Variants in ZFHX4 observed in about 807,000 individuals in gnomAD.
ZFHX4 encodes zinc finger homeobox 4, also known as zinc finger homeobox protein 4.
In ZFHX4, 56 loss-of-function variants were observed where a neutral mutation model predicts 267.6. That is an observed-to-expected ratio of 0.21 (90% CI 0.17 to 0.26). The LOEUF is 0.26. Ranked by LOEUF, ZFHX4 falls within the 10% of genes least tolerant of loss-of-function variation. ZFHX4 has a pLI of 1.00. For synonymous variants in ZFHX4, 1,778 were observed against 1,665.6 expected (o/e 1.07, Z -1.64); for missense variants, 4,332 against 4,420.0 (o/e 0.98, Z 0.56).
At chr8:76,765,213 A>G (rs114222474) in intron 3 of ZFHX4, among the ~76,000 whole-genome samples, 2,111 of 152,256 alleles carry the variant, frequency 0.014, 55 homozygotes, top group African/African-American at 0.047. Flanking sequence ...TGCTTAATAG[A>G]CCATAAAAAT....
chr8:76,792,856 A>G (rs186334150), intron 4 of ZFHX4, among the ~76,000 whole-genome samples: 303 of 152,256 alleles, frequency 2.0e-3, no homozygotes, highest in African/African-American at 7.0e-3. Flanking sequence ...CTTTAAATAT[A>G]CGATGAATCT....
chr8:76,863,704 G>A lies in ZFHX4; in HGVS notation c.9990G>A (p.Leu3330=), dbSNP rs1326220502. 1.9e-6 allele frequency: 3 copies of A among 1,568,892 alleles called. No individual in the cohort carries two copies. The highest frequency in any genetic ancestry group is 1.2e-5 in the South Asian group (1 of 86,764). The stretch of plus-strand genomic sequence containing the variant: ...ATCAGCAGAACCTGCAGGAGTCCCT[G>A]CAAAAGCAGCAAAAGCAACAGCAAG... The part of the protein sequence containing the change: ...QQYQQNLQES[L]QKQQKQQQEQ... Residue 3330 remains leucine, a synonymous_variant, in exon 11 of 11, where the codon CTG becomes CTA. Coordinates refer to ENST00000651372, the MANE Select transcript of ZFHX4 (RefSeq NM_024721.5).
Position 76,855,336 on chromosome 8 carries a change from G to C in ZFHX4, c.8415G>C (p.Ser2805=), listed in dbSNP as rs368980001. The change falls in exon 10 of 11, where the codon TCG becomes TCC. Residue 2805 remains serine (S), a synonymous_variant. Transcript: ENST00000651372. ...AAACCGATTTTGATGAGACTTCATCGATTAATACGGCAATCAGTGACGCCA... is the reference window on the plus strand; with the variant it reads ...AAACCGATTTTGATGAGACTTCATCCATTAATACGGCAATCAGTGACGCCA... The part of the protein sequence containing the change: ...QNKTDFDETS[S]INTAISDATT... 1.7e-5 allele frequency: 27 copies of C among 1,613,616 alleles called. No homozygotes were observed. The East Asian group carries it at 2.9e-4, about 17-fold the overall frequency.
At chr8:76,721,080 C>A (rs1362268885) in intron 3 of ZFHX4, among the ~76,000 whole-genome samples, 2 of 151,940 alleles carry the variant, frequency 1.3e-5, no homozygotes, top group Admixed American at 6.6e-5. Flanking sequence ...AATAGTTGGT[C>A]TTTGAGGGGG....
At chr8:76,693,298 A>C (rs1446137528) in intron 1 of ZFHX4, 1 of 152,222 alleles carries the variant, frequency 6.6e-6, no homozygotes, top group East Asian at 1.9e-4. Flanking sequence ...AAATCACCTT[A>C]AAAACAGCTG....
Position 76,820,520 on chromosome 8 carries a change from G to A in ZFHX4, c.3326-12818G>A, listed in dbSNP as rs76083004. On this transcript the variant is annotated intron_variant, in intron 4 of 10. Coordinates refer to ENST00000651372, the MANE Select transcript of ZFHX4 (RefSeq NM_024721.5). ...CATGCTTCATCTGATTAGTCATGCA[G>A]CAAATTTAATGGGTGTGTGGAAAAG... Among the ~76,000 whole-genome samples the A allele has an allele frequency of 4.1e-3, 627 of 152,250 alleles. 4 individuals are homozygous for A. The highest frequency in any genetic ancestry group is 0.014 in the African/African-American group (597 of 41,542).
At chr8:76,748,380 A>G (rs1809518459) in intron 3 of ZFHX4, among the ~76,000 whole-genome samples, 1 of 152,210 alleles carries the variant, frequency 6.6e-6, no homozygotes, top group South Asian at 2.1e-4. Flanking sequence ...ATAATTTTGT[A>G]TTTAATATCT....
At chr8:76,857,301 C>G (rs1465493462) in intron 10 of ZFHX4, among the ~76,000 whole-genome samples, 1 of 148,654 alleles carries the variant, frequency 6.7e-6, no homozygotes, top group African/African-American at 2.5e-5. Context: ...TGATTTTTTT[C>G]TTTTTAAAAG....
chr8:76,705,540 C>A lies in ZFHX4; in HGVS notation c.1452C>A (p.Asp484Glu), dbSNP rs763547315. ...ATGCGTACTCCAATGAACTTGATGA[C>A]GAGGAAGTATTAGGTGAACTCACCG... ...EEDAYSNELD[D>E]EEVLGELTDS... Residue 484 changes from aspartate (D) to glutamate (E), a missense_variant, in exon 2 of 11, where the codon GAC (aspartate) becomes GAA (glutamate). Asp to Glu is a conservative substitution (Grantham distance 45). Transcript: ENST00000651372. 52 of 1,613,338 alleles carry A rather than the reference C, an allele frequency of 3.2e-5. No individual in the cohort carries two copies. The highest frequency in any genetic ancestry group is 4.3e-5 in the Non-Finnish European group (51 of 1,179,660).
At chr8:76,848,017 A>G (rs1400261462) in intron 6 of ZFHX4, among the ~76,000 whole-genome samples, 1 of 152,148 alleles carries the variant, frequency 6.6e-6, no homozygotes, top group Non-Finnish European at 1.5e-5. Context: ...CCTGGAAATA[A>G]TTTAGTTGCA....
In ZFHX4 at chr8:76,842,575, T is replaced by G. The variant is rs1812262353; in HGVS notation, c.3395-80T>G. 8 of 986,628 alleles carry G rather than the reference T, an allele frequency of 8.1e-6. No homozygotes were observed. The South Asian group carries it at 1.3e-4, about 16-fold the overall frequency. 61.1% of individuals were successfully genotyped at this position (986,628 alleles called of 1,614,324 possible). On this transcript the variant is annotated intron_variant, in intron 5 of 10. Transcript: ENST00000651372. The stretch of plus-strand genomic sequence containing the variant: ...AGATGATTCATAAATAACAAAGTTT[T>G]CAAGTGGCCACCTAGTTTATTTCAG...
At chr8:76,683,920 C>G (rs1023352865) in intron 1 of ZFHX4, 63 of 151,458 alleles carry the variant, frequency 4.2e-4, no homozygotes, top group African/African-American at 1.5e-3. Flanking sequence ...GGGCATCGAT[C>G]GCTTCCATTG....
chr8:76,839,022 A>G (rs565858720), intron 5 of ZFHX4, among the ~76,000 whole-genome samples: 1 of 149,100 alleles, frequency 6.7e-6, no homozygotes, highest in African/African-American at 2.5e-5. Context: ...ACTGCATTCC[A>G]GGCTGAGCAA....
At position 76,863,302 on chromosome 8, in the gene ZFHX4, A is replaced by G. The variant is rs754933197; in HGVS notation, c.9588A>G (p.Pro3196=). The change falls in exon 11 of 11, where the codon CCA becomes CCG. Residue 3196 remains proline, a synonymous_variant. Transcript: ENST00000651372. ...NKESEKKQTK[P]NKVKKIKEEE... Reference sequence around the variant, plus strand: ...AATCTGAGAAAAAGCAAACTAAGCCAAACAAGGTGAAAAAAATCAAAGAGG... The same window carrying G: ...AATCTGAGAAAAAGCAAACTAAGCCGAACAAGGTGAAAAAAATCAAAGAGG... 25 of 1,613,322 alleles carry G rather than the reference A, an allele frequency of 1.5e-5. No homozygotes were observed. The highest frequency in any genetic ancestry group is 2.0e-5 in the Non-Finnish European group (24 of 1,179,718).
At chr8:76,770,047 C>T (rs1402988380) in intron 3 of ZFHX4, among the ~76,000 whole-genome samples, 1 of 152,130 alleles carries the variant, frequency 6.6e-6, no homozygotes, top group African/African-American at 2.4e-5. Flanking sequence ...AAATAAAGAC[C>T]AGGATTCCAC....
chr8:76,685,937 C>T (rs1375075238), intron 1 of ZFHX4, among the ~76,000 whole-genome samples: 2 of 152,106 alleles, frequency 1.3e-5, no homozygotes, highest in East Asian at 1.9e-4. Flanking sequence ...GTAGGTGCAA[C>T]GTTTCTTTTT....
chr8:76,785,079 G>A (rs764288516), intron 4 of ZFHX4, among the ~76,000 whole-genome samples: 44 of 151,932 alleles, frequency 2.9e-4, no homozygotes, highest in Non-Finnish European at 5.7e-4. Flanking sequence ...TGTTAGTCTA[G>A]ACTAAAAGAG....
chr8:76,830,772 T>G (rs1811913477), intron 4 of ZFHX4, among the ~76,000 whole-genome samples: 2 of 152,316 alleles, frequency 1.3e-5, no homozygotes, highest in South Asian at 4.1e-4. Context: ...TCAAATGAAG[T>G]AACTTTAATA....
chr8:76,713,051 A>G (rs1454043910), intron 3 of ZFHX4, among the ~76,000 whole-genome samples: 3 of 152,202 alleles, frequency 2.0e-5, no homozygotes, highest in Non-Finnish European at 4.4e-5. Flanking sequence ...TTCAGAACAA[A>G]TGCAATTGGC....
Sources: allele counts gnomAD v4.1 joint callset (sites outside exome capture counted in the v4.1 genomes callset), GRCh38; gene constraint gnomAD v4.1.1; transcripts MANE v1.5; gene names NCBI Gene and HGNC (gene_info 2026-07-23, HGNC 2026-07-21).